Variants in MAF observed in about 807,000 individuals in gnomAD.
MAF encodes the protein MAF bZIP transcription factor.
Under a neutral mutation model 22.0 loss-of-function variants are expected in MAF, and 10 were observed. The ratio of observed to expected loss-of-function variants is 0.45; its 90% CI spans 0.28 to 0.77. MAF has a LOEUF of 0.77. Among genes scored for constraint, MAF ranks in the 30% least tolerant of loss-of-function variants. The probability of loss-of-function intolerance (pLI) is 0.12; values close to 1 mark genes in which losing one functional copy is unlikely to be tolerated. For synonymous variants in MAF, 337 were observed against 255.8 expected (o/e 1.32, Z -3.03); for missense variants, 544 against 548.4 (o/e 0.99, Z 0.08).
the MAF span, among the ~76,000 whole-genome samples, chr16:79,291,377 A>G: frequency 6.6e-6 from 1 of 152,076 alleles, no homozygotes; most frequent in African/African-American, 2.4e-5. Flanking sequence ...TGTTGGTTCA[A>G]GTTTCCATTG....
chr16:79,543,513 T>C, the MAF span, among the ~76,000 whole-genome samples: 1 of 152,148 alleles, frequency 6.6e-6, no homozygotes, highest in Non-Finnish European at 1.5e-5. Context: ...GTCCCACCTT[T>C]CCAAAGCCTT....
At chr16:79,219,507 C>A in the MAF span, among the ~76,000 whole-genome samples, 1 of 139,032 alleles carries the variant, frequency 7.2e-6, no homozygotes, top group South Asian at 2.3e-4. Context: ...GCGGACATCG[C>A]GCCACTGCAC....
the MAF span, among the ~76,000 whole-genome samples, chr16:79,208,243 C>G: frequency 1.3e-5 from 2 of 152,198 alleles, no homozygotes; most frequent in Non-Finnish European, 2.9e-5. Flanking sequence ...AAAGATTCTT[C>G]TGGGCTTCCC....
At chr16:79,305,669 G>T in the MAF span, among the ~76,000 whole-genome samples, 1 of 152,276 alleles carries the variant, frequency 6.6e-6, no homozygotes, top group East Asian at 1.9e-4. Flanking sequence ...ATAAGACATC[G>T]CTTTGAACCT....
At chr16:79,429,858 C>A in the MAF span, among the ~76,000 whole-genome samples, 1 of 152,070 alleles carries the variant, frequency 6.6e-6, no homozygotes, top group Admixed American at 6.6e-5. Context: ...TCCAGCCTAA[C>A]CCCCCAGGAA....
the MAF span, among the ~76,000 whole-genome samples, chr16:79,340,553 C>T: frequency 2.2e-4 from 34 of 151,724 alleles, 1 homozygote; most frequent in Non-Finnish European, 7.4e-5. Flanking sequence ...TCACACTTGC[C>T]ACTCCACTGT....
the MAF span, among the ~76,000 whole-genome samples, chr16:79,304,940 G>C: frequency 1.3e-5 from 2 of 152,078 alleles, no homozygotes; most frequent in Non-Finnish European, 2.9e-5. Flanking sequence ...TAAATAGGGA[G>C]TTTCTAGAAC....
chr16:79,305,587 T>C, the MAF span, among the ~76,000 whole-genome samples: 100 of 152,054 alleles, frequency 6.6e-4, no homozygotes, highest in Middle Eastern at 3.4e-3. Flanking sequence ...TGCACTAGGA[T>C]TGGGGAGTTT....
the MAF span, among the ~76,000 whole-genome samples, chr16:79,310,271 GAA>G: frequency 1.3e-5 from 2 of 152,094 alleles, no homozygotes. Context: ...TGTAGGGAGG[GAA>G]AAGTTAGTGA....
the MAF span, among the ~76,000 whole-genome samples, chr16:79,460,706 T>C: frequency 3.3e-5 from 5 of 152,324 alleles, no homozygotes; most frequent in Admixed American, 2.0e-4. Flanking sequence ...GGTTATATTT[T>C]GAACCTACCT....
At chr16:79,465,373 G>A in the MAF span, among the ~76,000 whole-genome samples, 135 of 152,198 alleles carry the variant, frequency 8.9e-4, 1 homozygote, top group East Asian at 0.02. Context: ...CGGGCAGATC[G>A]CTTGAGCCCA....
chr16:79,319,383 T>G, the MAF span, among the ~76,000 whole-genome samples: 1 of 152,232 alleles, frequency 6.6e-6, no homozygotes, highest in Non-Finnish European at 1.5e-5. Flanking sequence ...GCTCAGACTA[T>G]TTGTAAAAAA....
the MAF span, among the ~76,000 whole-genome samples, chr16:79,356,351 G>T: frequency 2.6e-5 from 4 of 152,198 alleles, no homozygotes; most frequent in South Asian, 6.2e-4. Context: ...TCATCATCTC[G>T]GGTGTCATGA....
chr16:79,206,109 C>G, the MAF span: 10 of 152,214 alleles, frequency 6.6e-5, no homozygotes, highest in African/African-American at 1.9e-4. Flanking sequence ...TTCAATTTAG[C>G]TCCATGAGTA....
chr16:79,538,781 A>C, the MAF span, among the ~76,000 whole-genome samples: 1 of 151,560 alleles, frequency 6.6e-6, no homozygotes, highest in African/African-American at 2.4e-5. Flanking sequence ...AGCTGAGATC[A>C]CACCACTACG....
chr16:79,366,842 G>C, the MAF span, among the ~76,000 whole-genome samples: 1 of 152,172 alleles, frequency 6.6e-6, no homozygotes, highest in Non-Finnish European at 1.5e-5. Context: ...TGTTGTTGCA[G>C]CATAGCCTGG....
the MAF span, among the ~76,000 whole-genome samples, chr16:79,408,078 C>CAAAAAAAAA: frequency 6.1e-5 from 5 of 81,574 alleles, no homozygotes; most frequent in African/African-American, 2.5e-4. Context: ...TTTTACCTTT[C>CAAAAAAAAA]AAAAAAAAAA....
chr16:79,321,645 CTTTTTTTTTTTTT>C, the MAF span, among the ~76,000 whole-genome samples: 6 of 86,970 alleles, frequency 6.9e-5, no homozygotes, highest in Non-Finnish European at 1.2e-4. Context: ...TTTTCTTTTT[CTTTTTTTTTTTTT>C]TTTTTTTTTT....
chr16:79,295,870 C>T, the MAF span, among the ~76,000 whole-genome samples: 6,745 of 152,302 alleles, frequency 0.044, 486 homozygotes, highest in African/African-American at 0.15. Context: ...ACTGAAGCCA[C>T]GTTCTTTGCC....
Sources: gnomAD v4.1 joint callset for allele counts (sites outside exome capture counted in the v4.1 genomes callset) on GRCh38, gnomAD v4.1.1 for gene constraint, MANE v1.5 for transcripts, NCBI Gene and HGNC (gene_info 2026-07-23, HGNC 2026-07-21) for gene names.